CSMD1: variants seen among roughly 807,000 people sequenced by gnomAD.
CSMD1 encodes the protein CUB and sushi domain-containing protein 1.
In CSMD1, 213 loss-of-function variants were observed where a neutral mutation model predicts 417.5. The ratio of observed to expected loss-of-function variants is 0.51; its 90% confidence interval spans 0.46 to 0.57. CSMD1 has a LOEUF of 0.57. CSMD1 is among the 20% of genes least tolerant of loss of function. The probability of loss-of-function intolerance (pLI) is 0.00; values close to 1 mark genes in which losing one functional copy is unlikely to be tolerated. For synonymous variants in CSMD1, 2,862 were observed against 1,736.8 expected (o/e 1.65, Z -16.11); for missense variants, 6,923 against 4,529.7 (o/e 1.53, Z -15.17).
intron 10 of CSMD1, among the ~76,000 whole-genome samples, chr8:3,566,998 G>C (rs6987074): frequency 0.88 from 133,485 of 152,286 alleles, 58,856 homozygotes; most frequent in African/African-American, 0.91. Context: ...CAGCACTATT[G>C]ACAATAGAAA....
chr8:3,902,692 C>A (rs1339695886), intron 5 of CSMD1, among the ~76,000 whole-genome samples: 1 of 152,268 alleles, frequency 6.6e-6, no homozygotes, highest in South Asian at 2.1e-4. Flanking sequence ...TGGTTCTTAA[C>A]AGGCTGTGGA....
chr8:4,040,045 G>A (rs1279673736), intron 3 of CSMD1, among the ~76,000 whole-genome samples: 2 of 146,614 alleles, frequency 1.4e-5, no homozygotes, highest in Non-Finnish European at 3.0e-5. Flanking sequence ...CAATTCTAAA[G>A]CACCATGCAA....
rs1424874760 is a variant in CSMD1 at position 4,251,845 on chromosome 8, AGGAGGAGAGAT to A, written c.415+168097_415+168107del. Reference sequence around the variant, plus strand: ...AGGAGAGATGGAAGAGGAGAGATGCAGGAGGAGAGATGGAGGAGAGAGAGGGTGGAGGAAGA... The same window carrying A: ...AGGAGAGATGGAAGAGGAGAGATGCAGGAGGAGAGAGAGGGTGGAGGAAGA... On this transcript the variant is annotated intron_variant, in intron 3 of 69. Transcript: ENST00000635120. Among the ~76,000 whole-genome samples, 10 of 136,824 alleles carry A rather than the reference AGGAGGAGAGAT, an allele frequency of 7.3e-5. No homozygotes were observed. In the East Asian group the frequency reaches 2.5e-3, roughly 34 times the overall value. 89.8% of individuals were successfully genotyped at this position (136,824 alleles called of 152,430 possible).
At chr8:4,081,502 G>A (rs1800130791) in intron 3 of CSMD1, among the ~76,000 whole-genome samples, 1 of 152,152 alleles carries the variant, frequency 6.6e-6, no homozygotes, top group African/African-American at 2.4e-5. Context: ...AGGCTCACAT[G>A]ACAAGGAACT....
intron 18 of CSMD1, among the ~76,000 whole-genome samples, chr8:3,385,892 C>T (rs1378728959): frequency 6.6e-6 from 1 of 151,780 alleles, no homozygotes; most frequent in Non-Finnish European, 1.5e-5. Flanking sequence ...GTCCATGTTG[C>T]AGATTCACAT....
intron 41 of CSMD1, among the ~76,000 whole-genome samples, chr8:3,125,226 T>G (rs930451082): frequency 6.6e-6 from 1 of 152,208 alleles, no homozygotes; most frequent in Non-Finnish European, 1.5e-5. Context: ...TTGCATCCTG[T>G]TTAGTGTGAG....
chr8:4,241,647 C>T (rs530627986), intron 3 of CSMD1, among the ~76,000 whole-genome samples: 1 of 151,920 alleles, frequency 6.6e-6, no homozygotes, highest in East Asian at 1.9e-4. Flanking sequence ...TGATCAAAAT[C>T]ATTACAAATG....
At chr8:3,942,084 C>G (rs1305946728) in intron 5 of CSMD1, among the ~76,000 whole-genome samples, 2 of 151,836 alleles carry the variant, frequency 1.3e-5, no homozygotes, top group Admixed American at 6.6e-5. Flanking sequence ...AGGTTTCGAG[C>G]TCCTTGTGAG....
rs80035938 is a variant in CSMD1, at chr8:4,501,395, A to C, written c.303-81330T>G. Among the ~76,000 whole-genome samples the C allele has an allele frequency of 1.5e-3, 235 of 152,246 alleles. 1 individual carries two copies. The highest frequency in any genetic ancestry group is 5.4e-3 in the African/African-American group (223 of 41,550). ...TAGGCATCATTTAAACAACTATTTT[A>C]GGCAATAGAACGTAGAGCAAAGGGA... On this transcript the variant is annotated intron_variant, in intron 2 of 69. Coordinates refer to ENST00000635120, the MANE Select transcript of CSMD1 (RefSeq NM_033225.6).
chr8:3,492,855 T>A (rs17066293), intron 11 of CSMD1, among the ~76,000 whole-genome samples: 91,327 of 151,490 alleles, frequency 0.6, 27,814 homozygotes, highest in South Asian at 0.67. Context: ...GTCTGTTACT[T>A]TATTACGCAG....
intron 5 of CSMD1, among the ~76,000 whole-genome samples, chr8:3,771,990 GC>G: frequency 6.6e-6 from 1 of 151,968 alleles, no homozygotes; most frequent in Admixed American, 6.6e-5. Context: ...CCAATTCTGG[GC>G]TGGTGAGAAT....
chr8:4,009,680 A>G (rs1431829448), intron 4 of CSMD1, among the ~76,000 whole-genome samples: 9 of 152,206 alleles, frequency 5.9e-5, no homozygotes, highest in African/African-American at 1.9e-4. Context: ...ACTGGGAGAT[A>G]TTATTGAGGA....
chr8:4,331,789 A>G (rs915350287), intron 3 of CSMD1, among the ~76,000 whole-genome samples: 1 of 152,144 alleles, frequency 6.6e-6, no homozygotes, highest in Non-Finnish European at 1.5e-5. Flanking sequence ...AGGTTTTTGT[A>G]TTTGACTCAC....
chr8:4,943,425 G>A (rs1432107961), intron 1 of CSMD1, among the ~76,000 whole-genome samples: 1 of 151,908 alleles, frequency 6.6e-6, no homozygotes, highest in African/African-American at 2.4e-5. Flanking sequence ...GAACCCGGGA[G>A]GCGGAGCTTG....
chr8:4,165,587 G>C (rs1220560091), intron 3 of CSMD1, among the ~76,000 whole-genome samples: 1 of 152,150 alleles, frequency 6.6e-6, no homozygotes, highest in Non-Finnish European at 1.5e-5. Context: ...GTTATTTGTA[G>C]AGACATGGTC....
chr8:3,509,689 T>C (rs956161217), intron 10 of CSMD1, among the ~76,000 whole-genome samples: 1 of 152,228 alleles, frequency 6.6e-6, no homozygotes, highest in African/African-American at 2.4e-5. Flanking sequence ...TGCTTAATCA[T>C]CTTCAACTGC....
At chr8:4,659,042 C>T (rs913414996) in intron 1 of CSMD1, among the ~76,000 whole-genome samples, 19 of 152,056 alleles carry the variant, frequency 1.2e-4, no homozygotes, top group Admixed American at 1.0e-3. Flanking sequence ...TGGTACACTA[C>T]AAAAATACAT....
intron 21 of CSMD1, among the ~76,000 whole-genome samples, chr8:3,354,809 C>A (rs76539177): frequency 0.15 from 14,260 of 97,886 alleles, 771 homozygotes; most frequent in Non-Finnish European, 0.17. Flanking sequence ...CTCTCTCTCT[C>A]TCTATATATA....
intron 1 of CSMD1, among the ~76,000 whole-genome samples, chr8:4,786,958 G>C (rs1228776966): frequency 6.6e-6 from 1 of 152,124 alleles, no homozygotes; most frequent in African/African-American, 2.4e-5. Flanking sequence ...ATGTTTTTAA[G>C]GCAATATTGT....
Sources: allele counts gnomAD v4.1 joint callset (sites outside exome capture counted in the v4.1 genomes callset), GRCh38; gene constraint gnomAD v4.1.1; transcripts MANE v1.5; gene names NCBI Gene and HGNC (gene_info 2026-07-23, HGNC 2026-07-21).